Variants in RPS6KA5 observed in about 807,000 individuals in gnomAD.
RPS6KA5 encodes the protein ribosomal protein S6 kinase alpha-5.
A neutral mutation model predicts 85.5 loss-of-function variants in RPS6KA5; 27 were observed. The ratio of observed to expected loss-of-function variants is 0.32; its 90% CI spans 0.23 to 0.44. The LOEUF (loss-of-function observed/expected upper bound fraction) is 0.44. Among genes scored for constraint, RPS6KA5 ranks in the 20% least tolerant of loss-of-function variants. The pLI, the probability that RPS6KA5 is intolerant of heterozygous loss-of-function variation, is 1.00. For missense variants in RPS6KA5, 811 were observed against 980.9 expected, an observed-to-expected ratio of 0.83 and a Z score of 2.31; for synonymous variants, 334 against 348.2, an observed-to-expected ratio of 0.96 and a Z score of 0.46.
chr14:90,895,752 T>C (rs555295675), intron 12 of RPS6KA5, among the ~76,000 whole-genome samples: 3 of 152,134 alleles, frequency 2.0e-5, no homozygotes, highest in East Asian at 1.9e-4. Context: ...TAGCCAGACA[T>C]GGTGGCGCAC....
chr14:91,024,654 T>C (rs2041918896), intron 1 of RPS6KA5, among the ~76,000 whole-genome samples: 1 of 152,218 alleles, frequency 6.6e-6, no homozygotes, highest in Non-Finnish European at 1.5e-5. Flanking sequence ...ACCCCTTTTC[T>C]ATTTATCTGA....
intron 1 of RPS6KA5, among the ~76,000 whole-genome samples, chr14:91,041,816 T>A (rs749403504): frequency 2.6e-5 from 4 of 152,242 alleles, no homozygotes; most frequent in Non-Finnish European, 5.9e-5. Flanking sequence ...GAAGACTTAC[T>A]GTACTTCTGG....
At chr14:91,059,719 A>C (rs1389796656) in intron 1 of RPS6KA5, among the ~76,000 whole-genome samples, 3 of 152,230 alleles carry the variant, frequency 2.0e-5, no homozygotes, top group African/African-American at 7.2e-5. Context: ...AAGGAAATTC[A>C]AGGCCAAGTA....
intron 3 of RPS6KA5, among the ~76,000 whole-genome samples, chr14:90,968,742 C>T (rs1410480799): frequency 6.6e-6 from 1 of 152,118 alleles, no homozygotes; most frequent in Non-Finnish European, 1.5e-5. Context: ...TTGAGCCCCT[C>T]AAAAATGGTT....
In RPS6KA5 at chr14:90,857,632, G is replaced by C. The variant is rs1217639509; in HGVS notation, c.*14442C>G. 1 of 152,184 alleles carries C rather than the reference G, an allele frequency of 6.6e-6. No individual in the cohort carries two copies. The highest frequency in any genetic ancestry group is 1.5e-5 in the Non-Finnish European group (1 of 68,028). 9.4% of individuals were successfully genotyped at this position (152,184 alleles called of 1,614,324 possible). ...AATATTGATGTAGTGTGGGTGAACT[G>C]TGAACTGCATTAAGCTCTACAGAGT... is the stretch of plus-strand genomic sequence containing the variant. On this transcript the variant is annotated 3_prime_UTR_variant, in exon 17 of 17. Transcript: ENST00000614987.
At chr14:91,040,695 T>A (rs919695853) in intron 1 of RPS6KA5, among the ~76,000 whole-genome samples, 1 of 151,956 alleles carries the variant, frequency 6.6e-6, no homozygotes, top group African/African-American at 2.4e-5. Flanking sequence ...TACCAATATT[T>A]AAGGCACAAG....
chr14:90,916,614 T>C (rs935201281), intron 7 of RPS6KA5, among the ~76,000 whole-genome samples: 4 of 152,066 alleles, frequency 2.6e-5, no homozygotes, highest in African/African-American at 4.8e-5. Context: ...ATACTCAGAA[T>C]GATTATTTTG....
chr14:91,053,118 C>T (rs2043164467), intron 1 of RPS6KA5, among the ~76,000 whole-genome samples: 1 of 152,096 alleles, frequency 6.6e-6, no homozygotes. Context: ...AAATGGTCAT[C>T]TTAATAGATG....
At chr14:90,969,257 T>G (rs1336451316) in intron 3 of RPS6KA5, among the ~76,000 whole-genome samples, 2 of 152,176 alleles carry the variant, frequency 1.3e-5, no homozygotes, top group East Asian at 3.8e-4. Flanking sequence ...GGAATTAACG[T>G]TAGGGTAAAA....
rs901915543 is a variant in RPS6KA5, at chr14:90,951,360, C to T, written c.395-3810G>A. 3.9e-5 allele frequency among the ~76,000 whole-genome samples: 6 copies of T among 151,912 alleles called. No homozygotes were observed. In the East Asian group the frequency reaches 1.2e-3, roughly 30 times the overall value. The stretch of plus-strand genomic sequence containing the variant: ...AATTAGCCAGACATGGTGGCAGGTG[C>T]CTGTAGTCCCAGTTACTTGGGAGGC... On this transcript the variant is annotated intron_variant, in intron 3 of 16. Transcript: ENST00000614987.
chr14:90,956,924 T>G (rs1460989931), intron 3 of RPS6KA5, among the ~76,000 whole-genome samples: 4 of 151,526 alleles, frequency 2.6e-5, no homozygotes, highest in Admixed American at 1.3e-4. Flanking sequence ...AATACATACT[T>G]GTAGTTTGTT....
intron 3 of RPS6KA5, among the ~76,000 whole-genome samples, chr14:90,952,778 C>T (rs2038274316): frequency 6.6e-6 from 1 of 152,330 alleles, no homozygotes; most frequent in South Asian, 2.1e-4. Flanking sequence ...GGTCAAAGGA[C>T]ACCTTCTGGG....
chr14:90,900,144 CT>C lies in RPS6KA5; in HGVS notation c.1342del (p.Ser448ValfsTer9). 5.0e-6 allele frequency: 8 copies of C among 1,604,164 alleles called. No individual in the cohort carries two copies. Among genetic ancestry groups the C allele is most frequent in the East Asian group, 2.3e-5 (1 of 44,354 alleles). ...TATTTTGACTGCAAAAGCTTGGTTA[CT>C]TTTTTTATGCACACACTTTCGACAA... Reference protein sequence around the residue: ...SICRKCVHKKSNQAFAVKIIS... With the variant: ...SICRKCVHKKXNQAFAVKIIS... On this transcript the variant is annotated frameshift_variant, in exon 11 of 17. Transcript: ENST00000614987. LOFTEE classifies it high-confidence loss of function.
At chr14:91,033,189 C>CAAA (rs71117400) in intron 1 of RPS6KA5, among the ~76,000 whole-genome samples, 2 of 138,462 alleles carry the variant, frequency 1.4e-5, no homozygotes, top group Non-Finnish European at 3.1e-5. Flanking sequence ...GACTCTGTCT[C>CAAA]AAAAAAAAAA....
intron 1 of RPS6KA5, among the ~76,000 whole-genome samples, chr14:91,017,258 T>C (rs879374848): frequency 1.3e-5 from 2 of 152,238 alleles, no homozygotes; most frequent in Non-Finnish European, 2.9e-5. Flanking sequence ...GCTTTTATCA[T>C]GGAAGGGGCA....
Position 90,862,763 on chromosome 14 carries a change from T to G in RPS6KA5, c.*9311A>C, listed in dbSNP as rs1838894711. 1 of 152,156 alleles carries G rather than the reference T, an allele frequency of 6.6e-6. No homozygotes were observed. Among genetic ancestry groups the G allele is most frequent in the African/African-American group, 2.4e-5 (1 of 41,430 alleles). 9.4% of individuals were successfully genotyped at this position (152,156 alleles called of 1,614,324 possible). A position where few individuals can be genotyped will look rare whatever the true frequency, so the allele number is the denominator to read the frequency against. On this transcript the variant is annotated 3_prime_UTR_variant, in exon 17 of 17. Transcript: ENST00000614987. ...CAGGTGTGAGATACCACACCCAGTC[T>G]AGGTCTATCCTCCTTATGATCCAAA...
rs1442875939 is a variant in RPS6KA5 at position 90,852,450 on chromosome 14, G to A, written c.*19624C>T. On this transcript the variant is annotated 3_prime_UTR_variant, in exon 17 of 17. Transcript: ENST00000614987. ...CAATGTCTAAATACCTTAAAAAGAA[G>A]CATATATGTAAGTATTAGTCCAATC... The A allele has an allele frequency of 6.6e-6, 1 of 152,066 alleles. No individual in the cohort carries two copies. Among genetic ancestry groups the A allele is most frequent in the African/African-American group, 2.4e-5 (1 of 41,414 alleles). The allele number at this position is 152,066 out of a possible 1,614,324, so 9.4% of individuals were successfully genotyped here.
intron 8 of RPS6KA5, among the ~76,000 whole-genome samples, chr14:90,905,760 T>A (rs1416268278): frequency 6.6e-6 from 1 of 152,076 alleles, no homozygotes; most frequent in Non-Finnish European, 1.5e-5. Context: ...TGAAACATAG[T>A]GGCAGTAATA....
intron 1 of RPS6KA5, among the ~76,000 whole-genome samples, chr14:91,026,225 T>C (rs2041985825): frequency 6.6e-6 from 1 of 152,178 alleles, no homozygotes. Flanking sequence ...TACCACATTT[T>C]TATTTTGTTC....
Sources: gnomAD v4.1 joint callset for allele counts (sites outside exome capture counted in the v4.1 genomes callset) on GRCh38, gnomAD v4.1.1 for gene constraint, MANE v1.5 for transcripts, NCBI Gene and HGNC (gene_info 2026-07-23, HGNC 2026-07-21) for gene names.